SLIT2: variants seen among roughly 807,000 people sequenced by gnomAD.
SLIT2 encodes the protein slit guidance ligand 2, also known as slit homolog 2 protein.
In SLIT2, 41 loss-of-function variants were observed where a neutral mutation model predicts 185.7. The ratio of observed to expected loss-of-function variants is 0.22; its 90% CI spans 0.17 to 0.29. SLIT2 has a LOEUF of 0.29. Ranked by LOEUF, SLIT2 falls within the 10% of genes least tolerant of loss-of-function variation. SLIT2 has a pLI of 1.00. For synonymous variants in SLIT2, 693 were observed against 680.2 expected, an observed-to-expected ratio of 1.02 and a Z score of -0.29; for missense variants, 1,571 against 1,909.0, an observed-to-expected ratio of 0.82 and a Z score of 3.30.
At chr4:20,367,854 C>G (rs1188474583) in intron 4 of SLIT2, among the ~76,000 whole-genome samples, 2 of 152,048 alleles carry the variant, frequency 1.3e-5, no homozygotes, top group Non-Finnish European at 2.9e-5. Flanking sequence ...CGGCAAAGCT[C>G]CCTGAGGTGG....
Position 20,528,923 on chromosome 4 carries a change from T to A in SLIT2, c.1463-26T>A. ...TTTTCTAACCTTTAGACTCAGTATC[T>A]TTTTTTTGGTTTGAATTCTCAATAG... is the stretch of plus-strand genomic sequence containing the variant. On this transcript the variant is annotated intron_variant, in intron 15 of 36. Transcript: ENST00000504154. This position sits in a 1 kb window ranked among gnomAD's most constrained non-coding sequence, Gnocchi z 4.2. 1 of 1,525,562 alleles carries A rather than the reference T, an allele frequency of 6.6e-7. No homozygotes were observed. Among genetic ancestry groups the A allele is most frequent in the Non-Finnish European group, 9.0e-7 (1 of 1,115,940 alleles). 94.5% of individuals were successfully genotyped at this position (1,525,562 alleles called of 1,614,324 possible).
intron 12 of SLIT2, 86 bp from the exon 13 acceptor site, chr4:20,523,674 G>T: frequency 9.4e-7 from 1 of 1,059,924 alleles, no homozygotes; most frequent in South Asian, 1.4e-5. Flanking sequence ...TATATTTCTT[G>T]ACTGGGTTTC....
At chr4:20,474,441 T>C (rs1239411678) in intron 5 of SLIT2, among the ~76,000 whole-genome samples, 1 of 152,112 alleles carries the variant, frequency 6.6e-6, no homozygotes, top group Admixed American at 6.6e-5. Context: ...TTCTTTGTCT[T>C]CAGAGTGCTT....
intron 4 of SLIT2, among the ~76,000 whole-genome samples, chr4:20,351,517 G>A (rs1721874008): frequency 6.6e-6 from 1 of 152,152 alleles, no homozygotes; most frequent in Non-Finnish European, 1.5e-5. Context: ...ACTTATATGA[G>A]AATTCCCACC....
At chr4:20,510,348 A>G in intron 9 of SLIT2, 147 bp from the exon 10 acceptor site, 1 of 646,204 alleles carries the variant, frequency 1.5e-6, no homozygotes, top group Non-Finnish European at 2.7e-6. Context: ...GGACAGAAAA[A>G]TTAAATTTAG....
At chr4:20,583,283 A>G (rs1175529252) in intron 29 of SLIT2, among the ~76,000 whole-genome samples, 1 of 152,152 alleles carries the variant, frequency 6.6e-6, no homozygotes, top group East Asian at 1.9e-4. Flanking sequence ...CATAGTTGGG[A>G]CTCAAAATAT....
chr4:20,457,096 A>C (rs1713158483), intron 4 of SLIT2, among the ~76,000 whole-genome samples: 1 of 152,080 alleles, frequency 6.6e-6, no homozygotes, highest in African/African-American at 2.4e-5. Context: ...AATTTTCTTG[A>C]GAATTGTAAT....
chr4:20,340,852 C>T (rs997563845), intron 4 of SLIT2, among the ~76,000 whole-genome samples: 8 of 152,178 alleles, frequency 5.3e-5, no homozygotes, highest in Non-Finnish European at 1.0e-4. Flanking sequence ...CGGCCTGCCT[C>T]GGCCTCCCAG....
intron 4 of SLIT2, among the ~76,000 whole-genome samples, chr4:20,299,788 C>G (rs560680450): frequency 1.3e-5 from 2 of 151,794 alleles, no homozygotes; most frequent in South Asian, 4.2e-4. Flanking sequence ...CCATTTGTCA[C>G]GGCCAAAATA....
chr4:20,451,181 C>T (rs188886605), intron 4 of SLIT2, among the ~76,000 whole-genome samples: 44 of 152,284 alleles, frequency 2.9e-4, no homozygotes, highest in African/African-American at 9.1e-4. Context: ...GCATCATCTC[C>T]GTTACACCTT....
In SLIT2 at chr4:20,501,928, C is replaced by A. The variant is rs527957568; in HGVS notation, c.915-8567C>A. Among the ~76,000 whole-genome samples, 66 of 152,268 alleles carry A rather than the reference C, an allele frequency of 4.3e-4. 1 individual carries two copies. The highest frequency in any genetic ancestry group is 6.8e-3 in the Middle Eastern group (2 of 294). The stretch of plus-strand genomic sequence containing the variant: ...CCACTATGTGCAGAGAAACCATTTT[C>A]ATGAAGACTTTGTGTTCATGATAAG... On this transcript the variant is annotated intron_variant, in intron 9 of 36. Coordinates refer to ENST00000504154, the MANE Select transcript of SLIT2 (RefSeq NM_004787.4).
At chr4:20,276,749 A>C (rs1192612028) in intron 4 of SLIT2, among the ~76,000 whole-genome samples, 1 of 152,170 alleles carries the variant, frequency 6.6e-6, no homozygotes, top group Non-Finnish European at 1.5e-5. Context: ...AGAAAGGTTG[A>C]TTGCTTCCCC....
intron 4 of SLIT2, among the ~76,000 whole-genome samples, chr4:20,301,756 A>G (rs761280428): frequency 4.6e-5 from 7 of 152,352 alleles, no homozygotes; most frequent in South Asian, 4.1e-4. Context: ...ACCATTTTAG[A>G]ATAATCCTCT....
chr4:20,276,839 T>C (rs951345890), intron 4 of SLIT2, among the ~76,000 whole-genome samples: 15 of 152,228 alleles, frequency 9.9e-5, no homozygotes, highest in African/African-American at 3.6e-4. Context: ...GAATTCTCTT[T>C]TGGGACCTGA....
Position 20,435,375 on chromosome 4 carries a change from A to G in SLIT2, c.396-32377A>G, listed in dbSNP as rs549400642. ...TAAAAACATATGGTCTTGGACTTCA[A>G]GGAGTTTGCAGTTTAATAAGACAGT... On this transcript the variant is annotated intron_variant, in intron 4 of 36. Coordinates refer to ENST00000504154, the MANE Select transcript of SLIT2 (RefSeq NM_004787.4). Among the ~76,000 whole-genome samples, 9 of 152,352 alleles carry G rather than the reference A, an allele frequency of 5.9e-5. No homozygotes were observed. The East Asian group carries it at 1.7e-3, about 29-fold the overall frequency.
chr4:20,526,310 ATAT>A (rs1276259513), intron 15 of SLIT2, among the ~76,000 whole-genome samples: 3 of 152,138 alleles, frequency 2.0e-5, no homozygotes, highest in Non-Finnish European at 4.4e-5. Context: ...ATAGCATTGT[ATAT>A]TATTATACTG....
intron 4 of SLIT2, among the ~76,000 whole-genome samples, chr4:20,434,220 G>A (rs1226369350): frequency 1.3e-5 from 2 of 152,170 alleles, no homozygotes; most frequent in African/African-American, 2.4e-5. Context: ...GGGCGTGGAG[G>A]CTCACACCTG....
chr4:20,349,000 A>G (rs549799899), intron 4 of SLIT2, among the ~76,000 whole-genome samples: 1 of 152,346 alleles, frequency 6.6e-6, no homozygotes, highest in Admixed American at 6.5e-5. Context: ...TCCTAGAATC[A>G]GTAGTAGAGT....
At chr4:20,379,389 A>C (rs903312736) in intron 4 of SLIT2, among the ~76,000 whole-genome samples, 1 of 152,182 alleles carries the variant, frequency 6.6e-6, no homozygotes, top group Non-Finnish European at 1.5e-5. Flanking sequence ...TATGTACTTT[A>C]TTTTATGTTA....
Sources: gnomAD v4.1 joint callset for allele counts (sites outside exome capture counted in the v4.1 genomes callset) on GRCh38, gnomAD v4.1.1 for gene constraint, Gnocchi (gnomAD v3.1) non-coding constraint, MANE v1.5 for transcripts, NCBI Gene and HGNC (gene_info 2026-07-23, HGNC 2026-07-21) for gene names.